Variants in KIAA1328 observed in about 807,000 individuals in gnomAD.
KIAA1328 encodes protein hinderin.
KIAA1328 carries 52 observed loss-of-function variants against 68.1 expected under a neutral mutation model. The observed-to-expected ratio is 0.76, with a 90% CI of 0.61 to 0.96. The LOEUF (loss-of-function observed/expected upper bound fraction) is 0.96, where lower values mean the gene tolerates loss of function less well. KIAA1328 is among the 40% of genes least tolerant of loss of function. The probability of loss-of-function intolerance (pLI) is 0.00; values close to 1 mark genes in which losing one functional copy is unlikely to be tolerated. For synonymous variants in KIAA1328, 232 were observed against 239.4 expected, an observed-to-expected ratio of 0.97 and a Z score of 0.28; for missense variants, 641 against 677.6, an observed-to-expected ratio of 0.95 and a Z score of 0.60.
At chr18:36,889,082 C>G (rs2048595151) in intron 5 of KIAA1328, among the ~76,000 whole-genome samples, 1 of 152,154 alleles carries the variant, frequency 6.6e-6, no homozygotes, top group Non-Finnish European at 1.5e-5. Context: ...CAGGATCAGC[C>G]TGTTGAAGGG....
chr18:36,900,043 G>A (rs1305286875), intron 5 of KIAA1328, among the ~76,000 whole-genome samples: 11 of 151,708 alleles, frequency 7.3e-5, no homozygotes. Context: ...ACAGTTTCTT[G>A]GAATGAAATC....
In KIAA1328 at chr18:37,149,505, A is replaced by G. The variant is rs1397221255; in HGVS notation, c.1233-10695A>G. Among the ~76,000 whole-genome samples the G allele has an allele frequency of 3.9e-5, 6 of 152,228 alleles. No individual in the cohort carries two copies. In the South Asian group the frequency reaches 6.2e-4, roughly 16 times the overall value. On this transcript the variant is annotated intron_variant, in intron 7 of 9. Transcript: ENST00000280020. ...GGACATAGGCACAGGCAAAGATTTC[A>G]TAACGAAATCCCCAAGAGCAATTAC...
At chr18:37,098,134 G>T (rs1367608587) in intron 7 of KIAA1328, among the ~76,000 whole-genome samples, 3 of 152,284 alleles carry the variant, frequency 2.0e-5, no homozygotes, top group South Asian at 4.1e-4. Context: ...GTGAGAGAGG[G>T]CATCCCTGTC....
At chr18:37,151,428 G>T (rs1206060988) in intron 7 of KIAA1328, among the ~76,000 whole-genome samples, 1 of 152,158 alleles carries the variant, frequency 6.6e-6, no homozygotes, top group Non-Finnish European at 1.5e-5. Flanking sequence ...AACTTATTCT[G>T]AAATTTATAT....
At chr18:36,850,914 A>G (rs1391003386) in intron 4 of KIAA1328, among the ~76,000 whole-genome samples, 3 of 152,134 alleles carry the variant, frequency 2.0e-5, no homozygotes, top group Non-Finnish European at 4.4e-5. Flanking sequence ...GAAAACTCTC[A>G]GTTTTTCATC....
intron 6 of KIAA1328, among the ~76,000 whole-genome samples, chr18:37,037,414 C>T (rs2055069873): frequency 6.6e-6 from 1 of 152,084 alleles, no homozygotes. Context: ...TTTTTATTGT[C>T]TTTATACCAC....
At chr18:37,142,350 C>T (rs138451358) in intron 7 of KIAA1328, among the ~76,000 whole-genome samples, 1 of 151,976 alleles carries the variant, frequency 6.6e-6, no homozygotes, top group African/African-American at 2.4e-5. Flanking sequence ...CACCACCACA[C>T]CTGGCTAATT....
At chr18:37,034,452 A>G (rs183845738) in intron 6 of KIAA1328, among the ~76,000 whole-genome samples, 53 of 152,306 alleles carry the variant, frequency 3.5e-4, no homozygotes, top group Admixed American at 1.6e-3. Context: ...GAACTACAGA[A>G]ACATTTATTT....
At chr18:36,989,104 TGAGTTA>T (rs2053063817) in intron 6 of KIAA1328, among the ~76,000 whole-genome samples, 1 of 152,196 alleles carries the variant, frequency 6.6e-6, no homozygotes, top group Admixed American at 6.5e-5. Flanking sequence ...GCCTTTATGT[TGAGTTA>T]TTCATCTTTT....
At chr18:36,859,441 C>G (rs918300863) in intron 4 of KIAA1328, among the ~76,000 whole-genome samples, 2 of 151,606 alleles carry the variant, frequency 1.3e-5, no homozygotes, top group Non-Finnish European at 2.9e-5. Context: ...ATGTCTATAT[C>G]TAAATGATGT....
At chr18:36,947,991 G>C (rs1184263785) in intron 5 of KIAA1328, among the ~76,000 whole-genome samples, 1 of 152,026 alleles carries the variant, frequency 6.6e-6, no homozygotes, top group Non-Finnish European at 1.5e-5. Context: ...AAGGGATGAG[G>C]GTATAATGAG....
At chr18:36,847,402 C>G (rs1408318599) in intron 4 of KIAA1328, among the ~76,000 whole-genome samples, 1 of 151,500 alleles carries the variant, frequency 6.6e-6, no homozygotes, top group Non-Finnish European at 1.5e-5. Context: ...TGTATACTCA[C>G]CAACTCTTGG....
At chr18:36,913,843 C>T (rs183109878) in intron 5 of KIAA1328, among the ~76,000 whole-genome samples, 124 of 152,254 alleles carry the variant, frequency 8.1e-4, no homozygotes, top group Admixed American at 1.5e-3. Flanking sequence ...GAAGTGGAAT[C>T]TGAAGAAGGG....
intron 6 of KIAA1328, among the ~76,000 whole-genome samples, chr18:36,972,131 T>G (rs747980189): frequency 6.6e-6 from 1 of 152,214 alleles, no homozygotes; most frequent in Non-Finnish European, 1.5e-5. Context: ...TGATGGTCAA[T>G]TGATTATTGA....
At chr18:37,120,541 G>A (rs1446714771) in intron 7 of KIAA1328, among the ~76,000 whole-genome samples, 1 of 152,156 alleles carries the variant, frequency 6.6e-6, no homozygotes, top group African/African-American at 2.4e-5. Flanking sequence ...TGTTAGTAAA[G>A]TTGGTAAAGA....
chr18:37,113,110 C>A (rs1335513737), intron 7 of KIAA1328, among the ~76,000 whole-genome samples: 1 of 152,034 alleles, frequency 6.6e-6, no homozygotes, highest in African/African-American at 2.4e-5. Context: ...GGAGAACTTC[C>A]CCAACCTAGC....
At chr18:36,975,287 A>C (rs576603183) in intron 6 of KIAA1328, among the ~76,000 whole-genome samples, 1 of 144,222 alleles carries the variant, frequency 6.9e-6, no homozygotes, top group South Asian at 2.2e-4. Flanking sequence ...GGTTCACGCC[A>C]TTCTCCTGCC....
At chr18:37,199,046 G>T (rs1386083726) in intron 9 of KIAA1328, among the ~76,000 whole-genome samples, 1 of 152,178 alleles carries the variant, frequency 6.6e-6, no homozygotes, top group Non-Finnish European at 1.5e-5. Context: ...TTGTGTCTTT[G>T]CCATATTTGG....
At position 37,223,834 on chromosome 18, in the gene KIAA1328, A is replaced by G; in HGVS notation, c.*1607A>G. 3 of 985,106 alleles carry G rather than the reference A, an allele frequency of 3.0e-6. No individual in the cohort carries two copies. The highest frequency in any genetic ancestry group is 3.6e-6 in the Non-Finnish European group (3 of 829,684). The allele number at this position is 985,106 out of a possible 1,614,324, so 61.0% of individuals were successfully genotyped here. The stretch of plus-strand genomic sequence containing the variant: ...AGCCTTCTTTCACTTGGGGTTTTTT[A>G]TTCTTTGGAGTAGAAAAGAATGGAG... On this transcript the variant is annotated 3_prime_UTR_variant, in exon 10 of 10. Coordinates refer to ENST00000280020, the MANE Select transcript of KIAA1328 (RefSeq NM_020776.3).
Sources: gnomAD v4.1 joint callset for allele counts (sites outside exome capture counted in the v4.1 genomes callset) on GRCh38, gnomAD v4.1.1 for gene constraint, MANE v1.5 for transcripts, NCBI Gene and HGNC (gene_info 2026-07-23, HGNC 2026-07-21) for gene names.